NR3C2: variants seen among roughly 807,000 people sequenced by gnomAD.
The protein encoded by NR3C2 is mineralocorticoid receptor.
A neutral mutation model predicts 86.4 loss-of-function variants in NR3C2; 15 were observed. The ratio of observed to expected loss-of-function variants is 0.17; its 90% CI spans 0.12 to 0.27. The LOEUF is 0.27. Among genes scored for constraint, NR3C2 ranks in the 10% least tolerant of loss-of-function variants. The pLI is 1.00. For missense variants in NR3C2, 960 were observed against 1,195.6 expected (o/e 0.80, Z 2.91); for synonymous variants, 458 against 450.5 (o/e 1.02, Z -0.21).
intron 8 of NR3C2, among the ~76,000 whole-genome samples, chr4:148,106,563 CTAAGAAA>C (rs1731808691): frequency 6.6e-6 from 1 of 152,036 alleles, no homozygotes; most frequent in Non-Finnish European, 1.5e-5. Context: ...CAAGACAATA[CTAAGAAA>C]AAAGAAAAAA....
At chr4:148,147,421 C>G (rs1263429133) in intron 6 of NR3C2, among the ~76,000 whole-genome samples, 1 of 152,198 alleles carries the variant, frequency 6.6e-6, no homozygotes, top group African/African-American at 2.4e-5. Flanking sequence ...ACTTAGGAAG[C>G]CCCTTCACAC....
chr4:148,414,211 G>C (rs180846942), intron 2 of NR3C2, among the ~76,000 whole-genome samples: 1 of 152,170 alleles, frequency 6.6e-6, no homozygotes, highest in East Asian at 1.9e-4. Context: ...CTAAATATAC[G>C]CATACACCTA....
At chr4:148,262,535 T>C (rs1181548403) in intron 2 of NR3C2, among the ~76,000 whole-genome samples, 1 of 152,146 alleles carries the variant, frequency 6.6e-6, no homozygotes, top group Non-Finnish European at 1.5e-5. Flanking sequence ...TTCACAGATA[T>C]CCTCTTCTCA....
At chr4:148,364,545 G>A (rs1403661004) in intron 2 of NR3C2, among the ~76,000 whole-genome samples, 5 of 152,180 alleles carry the variant, frequency 3.3e-5, no homozygotes, top group Admixed American at 3.3e-4. Context: ...CATATTAGAT[G>A]CCTCTTAACA....
intron 2 of NR3C2, among the ~76,000 whole-genome samples, chr4:148,343,993 C>T (rs573031681): frequency 6.6e-6 from 1 of 152,222 alleles, no homozygotes; most frequent in East Asian, 1.9e-4. Flanking sequence ...CAATTCCTGA[C>T]ATAGCTTTAA....
intron 4 of NR3C2, among the ~76,000 whole-genome samples, chr4:148,184,388 G>C (rs926572052): frequency 2.6e-5 from 4 of 151,800 alleles, no homozygotes; most frequent in African/African-American, 9.7e-5. Flanking sequence ...GAACCCGGGA[G>C]GCGGAGGTTG....
Position 148,194,858 on chromosome 4 carries a change from T to C in NR3C2, c.1902A>G (p.Gln634=). The change falls in exon 4 of 9, where the codon CAA becomes CAG. Residue 634 remains glutamine (Q), a synonymous_variant. Coordinates refer to ENST00000358102, the MANE Select transcript of NR3C2 (RefSeq NM_000901.5). ...KVFFKRAVEG[Q]HNYLCAGRND... is the part of the protein sequence containing the mutation. ...TTCTTCCAGCACATAAATAGTTGTGTTGCCCTGATTAAAATAATAAAAAAT... is the reference window on the plus strand; with the variant it reads ...TTCTTCCAGCACATAAATAGTTGTGCTGCCCTGATTAAAATAATAAAAAAT... 6.2e-7 allele frequency: 1 copy of C among 1,605,946 alleles called. No homozygotes were observed. Among genetic ancestry groups the C allele is most frequent in the Non-Finnish European group, 8.5e-7 (1 of 1,175,060 alleles).
At chr4:148,177,841 T>C (rs1735446964) in intron 4 of NR3C2, among the ~76,000 whole-genome samples, 1 of 152,208 alleles carries the variant, frequency 6.6e-6, no homozygotes, top group Non-Finnish European at 1.5e-5. Context: ...ATCCTCAGTC[T>C]TGGGGCCTGG....
At chr4:148,180,461 T>C (rs1350732523) in intron 4 of NR3C2, among the ~76,000 whole-genome samples, 2 of 146,710 alleles carry the variant, frequency 1.4e-5, no homozygotes, top group Non-Finnish European at 3.1e-5. Flanking sequence ...TGTCTTTATC[T>C]CTTCTGCTTA....
intron 5 of NR3C2, among the ~76,000 whole-genome samples, chr4:148,154,014 CT>C (rs5862828): frequency 7.9e-4 from 115 of 145,132 alleles, no homozygotes; most frequent in Middle Eastern, 3.5e-3. Context: ...TTTTTAATTT[CT>C]TTTTTTTTTT....
At chr4:148,375,463 GA>G (rs76084170) in intron 2 of NR3C2, among the ~76,000 whole-genome samples, 19,339 of 116,524 alleles carry the variant, frequency 0.17, 1,365 homozygotes, top group Middle Eastern at 0.37. Context: ...CTCAAAGAAA[GA>G]AAAAAAAAAA....
intron 8 of NR3C2, among the ~76,000 whole-genome samples, chr4:148,090,665 A>C (rs1167280551): frequency 2.0e-5 from 3 of 152,172 alleles, no homozygotes; most frequent in Non-Finnish European, 4.4e-5. Context: ...ATGCTGAGAT[A>C]ACCAGAACGG....
At chr4:148,292,639 G>A (rs536426656) in intron 2 of NR3C2, among the ~76,000 whole-genome samples, 101 of 152,184 alleles carry the variant, frequency 6.6e-4, no homozygotes, top group African/African-American at 2.4e-3. Context: ...GCCAGGTTAT[G>A]AGGTTTCTCT....
intron 6 of NR3C2, 23 bp downstream of exon 6, chr4:148,152,445 GA>G: frequency 6.2e-7 from 1 of 1,609,504 alleles, no homozygotes; most frequent in Non-Finnish European, 8.5e-7. Context: ...TTTATTTTAT[GA>G]AGGCTAATTA....
At chr4:148,440,835 T>C (rs1750303957) in intron 1 of NR3C2, among the ~76,000 whole-genome samples, 1 of 152,224 alleles carries the variant, frequency 6.6e-6, no homozygotes, top group African/African-American at 2.4e-5. Context: ...TTGTATTTTA[T>C]CTGGAAACAC....
intron 8 of NR3C2, among the ~76,000 whole-genome samples, chr4:148,107,212 A>G (rs1731840154): frequency 6.6e-6 from 1 of 151,558 alleles, no homozygotes; most frequent in African/African-American, 2.4e-5. Context: ...ACCCTTCTCA[A>G]AAGACATTTA....
intron 3 of NR3C2, among the ~76,000 whole-genome samples, chr4:148,198,456 C>T (rs528415286): frequency 1.1e-4 from 16 of 151,984 alleles, no homozygotes; most frequent in African/African-American, 2.9e-4. Context: ...AGTAGAAAAA[C>T]GAAGGGCAGG....
chr4:148,367,326 A>G (rs1746197288), intron 2 of NR3C2, among the ~76,000 whole-genome samples: 1 of 152,224 alleles, frequency 6.6e-6, no homozygotes, highest in African/African-American at 2.4e-5. Flanking sequence ...TTGGCATACG[A>G]TAATTGCTCT....
chr4:148,361,212 A>T (rs1477469676), intron 2 of NR3C2, among the ~76,000 whole-genome samples: 1 of 152,234 alleles, frequency 6.6e-6, no homozygotes, highest in South Asian at 2.1e-4. Context: ...ATTTTAAATA[A>T]AAATAGAGAA....
Sources: allele counts gnomAD v4.1 joint callset (sites outside exome capture counted in the v4.1 genomes callset), GRCh38; gene constraint gnomAD v4.1.1; transcripts MANE v1.5; gene names NCBI Gene and HGNC (gene_info 2026-07-23, HGNC 2026-07-21).